Variants in PLOD1 observed in about 807,000 individuals in gnomAD.
PLOD1 encodes procollagen-lysine,2-oxoglutarate 5-dioxygenase 1.
A neutral mutation model predicts 94.7 loss-of-function variants in PLOD1; 70 were observed. That is an observed-to-expected ratio of 0.74 (90% CI 0.61 to 0.90). PLOD1 has a LOEUF of 0.90. Ranked by LOEUF, PLOD1 falls within the 40% of genes least tolerant of loss-of-function variation. The pLI, the probability that PLOD1 is intolerant of heterozygous loss-of-function variation, is 0.00. For missense variants in PLOD1, 905 were observed against 972.7 expected (o/e 0.93, Z 0.93); for synonymous variants, 417 against 400.2 (o/e 1.04, Z -0.50).
At position 11,963,241 on chromosome 1, in the gene PLOD1, C is replaced by T. The variant is rs1645791306; in HGVS notation, c.1098-291C>T. On this transcript the variant is annotated intron_variant, in intron 10 of 18. Transcript: ENST00000196061. The surrounding 1 kb of genome is among the most constrained non-coding windows in gnomAD (Gnocchi z 4.3). ...AAATTGCATTTCAGAAAGGCAGCCC[C>T]AGCTTACTCCCCACCCTGGGCCATG... is the stretch of plus-strand genomic sequence containing the variant. Among the ~76,000 whole-genome samples, 1 of 152,152 alleles carries T rather than the reference C, an allele frequency of 6.6e-6. No individual in the cohort carries two copies. Among genetic ancestry groups the T allele is most frequent in the South Asian group, 2.1e-4 (1 of 4,830 alleles).
chr1:11,948,442 G>A (rs1227937639), intron 2 of PLOD1, among the ~76,000 whole-genome samples: 1 of 152,156 alleles, frequency 6.6e-6, no homozygotes, highest in Non-Finnish European at 1.5e-5. Flanking sequence ...CTGCTCTAAA[G>A]AAACATGAGT....
At chr1:11,966,449 G>A in intron 15 of PLOD1, 133 bp downstream of exon 15, 1 of 382,394 alleles carries the variant, frequency 2.6e-6, no homozygotes, top group South Asian at 1.9e-5. Context: ...GGAGTTGGGG[G>A]GCGGCAGGAT....
rs114595968 is a variant in PLOD1, at chr1:11,949,720, C to T, written c.169-53C>T. 6 of 1,596,506 alleles carry T rather than the reference C, an allele frequency of 3.8e-6. No individual in the cohort carries two copies. The East Asian group carries it at 1.1e-4, about 30-fold the overall frequency. On this transcript the variant is annotated intron_variant, in intron 2 of 18. Transcript: ENST00000196061. ...CCAGCATGAGCCACCACGGCCAGCCCTGGAAAAATATTTCTTTACCAAAAG... is the reference window on the plus strand; with the variant it reads ...CCAGCATGAGCCACCACGGCCAGCCTTGGAAAAATATTTCTTTACCAAAAG...
At chr1:11,964,104 C>G (rs1249350642) in intron 11 of PLOD1, 71 bp from the exon 12 acceptor site, 18 of 1,492,190 alleles carry the variant, frequency 1.2e-5, no homozygotes, top group Middle Eastern at 1.7e-4. Context: ...TACCTCCCCC[C>G]ATCCCTGGTT....
At chr1:11,936,315 C>A (rs1231024344) in intron 1 of PLOD1, among the ~76,000 whole-genome samples, 2 of 151,752 alleles carry the variant, frequency 1.3e-5, no homozygotes, top group Admixed American at 6.6e-5. Context: ...CCCTCCTCCC[C>A]AGCCCTCCCT....
intron 1 of PLOD1, among the ~76,000 whole-genome samples, chr1:11,937,271 G>A (rs1305356244): frequency 1.3e-5 from 2 of 152,198 alleles, no homozygotes; most frequent in African/African-American, 4.8e-5. Context: ...TGCAAGACCC[G>A]GTGATACTAC....
At position 11,960,616 on chromosome 1, in the gene PLOD1, CCGCATCCCCTT is replaced by C; in HGVS notation, c.976-28_976-18del. ...GGAAGCTGTGTCCTCCTCCTCACCC[CCGCATCCCCTT>C]CCCCATCCCCAACCCCAGGAGCAGC... is the stretch of plus-strand genomic sequence containing the variant. On this transcript the variant is annotated intron_variant, in intron 9 of 18. Coordinates refer to ENST00000196061, the MANE Select transcript of PLOD1 (RefSeq NM_000302.4). 7.4e-6 allele frequency: 11 copies of C among 1,478,996 alleles called. No individual in the cohort carries two copies. The highest frequency in any genetic ancestry group is 1.0e-5 in the Non-Finnish European group (11 of 1,059,758). The allele number at this position is 1,478,996 out of a possible 1,614,324, so 91.6% of individuals were successfully genotyped here.
At chr1:11,950,674 G>A (rs1028221524) in intron 4 of PLOD1, among the ~76,000 whole-genome samples, 154 bp downstream of exon 4, 1 of 152,094 alleles carries the variant, frequency 6.6e-6, no homozygotes, top group African/African-American at 2.4e-5. Flanking sequence ...AACCCCAAAT[G>A]TGCTCCCCTG....
At chr1:11,974,609 A>T in intron 18 of PLOD1, 44 bp from the exon 19 acceptor site, 1 of 1,581,110 alleles carries the variant, frequency 6.3e-7, no homozygotes, top group Admixed American at 1.7e-5. Context: ...ACAGACGGGC[A>T]GGGGGGCGGT....
chr1:11,965,411 G>A lies in PLOD1; in HGVS notation c.1471-69G>A, dbSNP rs936719030. On this transcript the variant is annotated intron_variant, in intron 13 of 18. Transcript: ENST00000196061. Reference sequence around the variant, plus strand: ...GCTGCACTGTTGCCCGTCTGGGAGCGTGCAGGGGAGGGGTGAGGGCAGGGG... The same window carrying A: ...GCTGCACTGTTGCCCGTCTGGGAGCATGCAGGGGAGGGGTGAGGGCAGGGG... The A allele has an allele frequency of 1.6e-4, 145 of 913,896 alleles. 2 individuals are homozygous for A. Among genetic ancestry groups the A allele is most frequent in the Middle Eastern group, 1.2e-3 (5 of 4,062 alleles). The allele number at this position is 913,896 out of a possible 1,614,324, so 56.6% of individuals were successfully genotyped here.
chr1:11,948,451 G>A (rs1278723872), intron 2 of PLOD1, among the ~76,000 whole-genome samples: 1 of 152,154 alleles, frequency 6.6e-6, no homozygotes, highest in South Asian at 2.1e-4. Context: ...AGAAACATGA[G>A]TGGTCCCGCA....
chr1:11,934,869 G>A lies in PLOD1; in HGVS notation c.76+14G>A, dbSNP rs1037132866. 7.8e-6 allele frequency: 12 copies of A among 1,534,186 alleles called. No homozygotes were observed. The African/African-American group carries it at 1.7e-4, about 21-fold the overall frequency. The stretch of plus-strand genomic sequence containing the variant: ...CCAAGCCGGAGGGTGAGGGAGCGAA[G>A]GCCGGGGGCGGGAGCGCGGATCCGG... On this transcript the variant is annotated intron_variant, in intron 1 of 18. Coordinates refer to ENST00000196061, the MANE Select transcript of PLOD1 (RefSeq NM_000302.4).
intron 18 of PLOD1, among the ~76,000 whole-genome samples, chr1:11,973,372 C>G (rs1053207892): frequency 6.6e-6 from 1 of 151,902 alleles, no homozygotes; most frequent in Non-Finnish European, 1.5e-5. Context: ...TGGTAGCACA[C>G]ACCTGTAATC....
At chr1:11,946,427 C>T (rs549078165) in intron 1 of PLOD1, among the ~76,000 whole-genome samples, 1 of 152,336 alleles carries the variant, frequency 6.6e-6, no homozygotes, top group Admixed American at 6.5e-5. Flanking sequence ...CAGTAGATTT[C>T]AAGTCAGTTT....
intron 12 of PLOD1, 129 bp from the exon 13 acceptor site, chr1:11,964,515 C>A: frequency 1.0e-6 from 1 of 974,266 alleles, no homozygotes; most frequent in South Asian, 1.3e-5. Context: ...CAATTGTGCC[C>A]CCCTAGCCTG....
At chr1:11,970,590 C>A in intron 16 of PLOD1, 80 bp from the exon 17 acceptor site, 1 of 1,343,402 alleles carries the variant, frequency 7.4e-7, no homozygotes, top group South Asian at 1.2e-5. Context: ...GTCACATTCC[C>A]GGGTGTAGGA....
chr1:11,949,799 T>G lies in PLOD1; in HGVS notation c.195T>G (p.Asn65Lys), dbSNP rs1557486643. 1 of 1,613,792 alleles carries G rather than the reference T, an allele frequency of 6.2e-7. No homozygotes were observed. Among genetic ancestry groups the G allele is most frequent in the Non-Finnish European group, 8.5e-7 (1 of 1,179,868 alleles). Reference protein sequence around the residue: ...IQALGLGEDWNVEKGTSAGGG... With the variant: ...IQALGLGEDWKVEKGTSAGGG... ...CGCTTGGCCTAGGGGAGGACTGGAA[T>G]GTGGAGAAGGGGACGTCGGCAGGTG... The change falls in exon 3 of 19, where the codon AAT becomes AAG. Residue 65 changes from asparagine to lysine, a missense_variant. Transcript: ENST00000196061.
At chr1:11,964,537 C>T in intron 12 of PLOD1, 107 bp from the exon 13 acceptor site, 1 of 1,175,940 alleles carries the variant, frequency 8.5e-7, no homozygotes, top group Non-Finnish European at 1.3e-6. Flanking sequence ...GACTTCCCTT[C>T]TCACACCCAG....
chr1:11,963,356 C>T lies in PLOD1; in HGVS notation c.1098-176C>T, dbSNP rs1413929380. ...AACCTCTGGGCCTTGGGTGAGAGAG[C>T]CCAGCAGTCCAGGGGTTTGGGACTC... On this transcript the variant is annotated intron_variant, in intron 10 of 18. Transcript: ENST00000196061. The surrounding 1 kb of genome is among the most constrained non-coding windows in gnomAD (Gnocchi z 4.3). Among the ~76,000 whole-genome samples the T allele has an allele frequency of 1.3e-5, 2 of 152,190 alleles. No individual in the cohort carries two copies. Among genetic ancestry groups the T allele is most frequent in the Non-Finnish European group, 2.9e-5 (2 of 68,026 alleles).
Sources: allele counts gnomAD v4.1 joint callset (sites outside exome capture counted in the v4.1 genomes callset), GRCh38; gene constraint gnomAD v4.1.1; non-coding constraint Gnocchi (gnomAD v3.1); transcripts MANE v1.5; gene names NCBI Gene and HGNC (gene_info 2026-07-23, HGNC 2026-07-21).